The following VSTM2L variants were observed in gnomAD, a reference collection of about 807,000 sequenced individuals.
The protein encoded by VSTM2L is V-set and transmembrane domain containing 2 like, also known as V-set and transmembrane domain-containing protein 2-like protein.
VSTM2L carries 9 observed loss-of-function variants against 19.9 expected under a neutral mutation model. The ratio of observed to expected loss-of-function variants is 0.45; its 90% CI spans 0.27 to 0.79. VSTM2L has a LOEUF of 0.79. Among genes scored for constraint, VSTM2L ranks in the 30% least tolerant of loss-of-function variants. VSTM2L has a pLI of 0.15. For synonymous variants in VSTM2L, 127 were observed against 133.8 expected (o/e 0.95, Z 0.35); for missense variants, 286 against 295.5 (o/e 0.97, Z 0.24).
At chr20:37,921,537 T>C (rs1170182253) in intron 1 of VSTM2L, among the ~76,000 whole-genome samples, 2 of 152,202 alleles carry the variant, frequency 1.3e-5, no homozygotes, top group East Asian at 3.8e-4. Flanking sequence ...TGCCGGGACA[T>C]GGCAGTGAAC....
At chr20:37,942,525 C>T (rs1568844720) in intron 3 of VSTM2L, among the ~76,000 whole-genome samples, 1 of 152,112 alleles carries the variant, frequency 6.6e-6, no homozygotes, top group Non-Finnish European at 1.5e-5. Flanking sequence ...GAAATCTCAC[C>T]GATAACAGGT....
chr20:37,928,248 G>A (rs975435828), intron 1 of VSTM2L, among the ~76,000 whole-genome samples: 1 of 152,146 alleles, frequency 6.6e-6, no homozygotes, highest in African/African-American at 2.4e-5. Flanking sequence ...CCGCCATCCT[G>A]GGGGAGGGAC....
intron 1 of VSTM2L, among the ~76,000 whole-genome samples, chr20:37,907,075 T>C (rs182706107): frequency 6.6e-6 from 1 of 152,182 alleles, no homozygotes; most frequent in Non-Finnish European, 1.5e-5. Context: ...GAATGGTTAT[T>C]TGATGGGACC....
rs560300773 is a variant in VSTM2L at position 37,924,837 on chromosome 20, A to C, written c.122-6798A>C. Reference sequence around the variant, plus strand: ...GGGGGTGAGAGGAACTGAGCTCCCCATCTCTGGAGGTGTGCAAGTGGGATG... The same window carrying C: ...GGGGGTGAGAGGAACTGAGCTCCCCCTCTCTGGAGGTGTGCAAGTGGGATG... On this transcript the variant is annotated intron_variant, in intron 1 of 3. Transcript: ENST00000373461. 2.6e-5 allele frequency among the ~76,000 whole-genome samples: 4 copies of C among 152,278 alleles called. No homozygotes were observed. The South Asian group carries it at 6.2e-4, about 24-fold the overall frequency.
intron 3 of VSTM2L, among the ~76,000 whole-genome samples, chr20:37,939,460 A>C (rs568093130): frequency 6.6e-6 from 1 of 152,294 alleles, no homozygotes; most frequent in East Asian, 1.9e-4. Context: ...AAAGAAAGAA[A>C]GATTGATGAA....
chr20:37,939,978 T>C (rs2072962504), intron 3 of VSTM2L, among the ~76,000 whole-genome samples: 1 of 152,016 alleles, frequency 6.6e-6, no homozygotes, highest in Non-Finnish European at 1.5e-5. Flanking sequence ...GCTGGCTGCC[T>C]GGGGAGCCGT....
At chr20:37,928,268 A>G (rs545420186) in intron 1 of VSTM2L, among the ~76,000 whole-genome samples, 1 of 152,140 alleles carries the variant, frequency 6.6e-6, no homozygotes, top group African/African-American at 2.4e-5. Flanking sequence ...CAAGCAACCC[A>G]CTAGAATCAC....
intron 3 of VSTM2L, among the ~76,000 whole-genome samples, chr20:37,940,621 GGAGCTTCAGT>G (rs2072966706): frequency 6.6e-6 from 1 of 152,224 alleles, no homozygotes; most frequent in Non-Finnish European, 1.5e-5. Flanking sequence ...CACTTCTTTT[GGAGCTTCAGT>G]TTCACCATCT....
intron 1 of VSTM2L, among the ~76,000 whole-genome samples, chr20:37,916,864 C>T (rs2072821418): frequency 6.6e-6 from 1 of 152,130 alleles, no homozygotes; most frequent in Non-Finnish European, 1.5e-5. Flanking sequence ...TATGAAATAT[C>T]CGGAGTAGGC....
chr20:37,912,194 G>A (rs1407638894), intron 1 of VSTM2L, among the ~76,000 whole-genome samples: 1 of 152,222 alleles, frequency 6.6e-6, no homozygotes, highest in Non-Finnish European at 1.5e-5. Context: ...CCAGCTTGTG[G>A]GACGACAGAG....
chr20:37,929,368 G>A (rs1169399932), intron 1 of VSTM2L, among the ~76,000 whole-genome samples: 1 of 152,208 alleles, frequency 6.6e-6, no homozygotes, highest in Non-Finnish European at 1.5e-5. Flanking sequence ...GGCCTCCCAT[G>A]GAAGGCCCTG....
chr20:37,932,794 T>A (rs4811354), intron 2 of VSTM2L, among the ~76,000 whole-genome samples: 45,939 of 152,136 alleles, frequency 0.3, 7,129 homozygotes, highest in Admixed American at 0.33. Flanking sequence ...CTTACACATA[T>A]GTATACACTA....
chr20:37,939,314 G>A (rs570500133), intron 3 of VSTM2L, among the ~76,000 whole-genome samples: 1 of 151,806 alleles, frequency 6.6e-6, no homozygotes, highest in African/African-American at 2.4e-5. Context: ...GTCGGAGGGG[G>A]TGCTGAAGCG....
At position 37,944,013 on chromosome 20, in the gene VSTM2L, C is replaced by T; in HGVS notation, c.375C>T (p.His125=). The stretch of plus-strand genomic sequence containing the variant: ...AGGTGGTGGGCAGCAACATCTCCCA[C>T]AAGCTGCGCCTGTCCCGGGTGAAGC... ...VVKVVGSNIS[H]KLRLSRVKPT... Residue 125 remains histidine, a synonymous_variant, in exon 4 of 4, where the codon CAC becomes CAT. Transcript: ENST00000373461. 6 of 1,595,666 alleles carry T rather than the reference C, an allele frequency of 3.8e-6. No individual in the cohort carries two copies. Among genetic ancestry groups the T allele is most frequent in the Non-Finnish European group, 5.1e-6 (6 of 1,166,304 alleles).
Position 37,931,618 on chromosome 20 carries a change from C to G in VSTM2L, c.122-17C>G. On this transcript the variant is annotated splice_polypyrimidine_tract_variant and intron_variant, in intron 1 of 3. Coordinates refer to ENST00000373461, the MANE Select transcript of VSTM2L (RefSeq NM_080607.3). ...GTTTCCTGAGCCCCGCCATTCTTCCCCCTGTTTCTTGCACAGCCCTGTTCA... is the reference window on the plus strand; with the variant it reads ...GTTTCCTGAGCCCCGCCATTCTTCCGCCTGTTTCTTGCACAGCCCTGTTCA... The G allele has an allele frequency of 6.2e-7, 1 of 1,604,976 alleles. No individual in the cohort carries two copies. Among genetic ancestry groups the G allele is most frequent in the Non-Finnish European group, 8.5e-7 (1 of 1,175,260 alleles).
At chr20:37,908,850 G>A (rs2072764574) in intron 1 of VSTM2L, among the ~76,000 whole-genome samples, 1 of 152,156 alleles carries the variant, frequency 6.6e-6, no homozygotes, top group Non-Finnish European at 1.5e-5. Flanking sequence ...ATAAACATAT[G>A]GAAGCAAGTG....
In VSTM2L at chr20:37,941,488, C is replaced by T. The variant is rs551737841; in HGVS notation, c.343-2493C>T. Among the ~76,000 whole-genome samples, 12 of 152,312 alleles carry T rather than the reference C, an allele frequency of 7.9e-5. No individual in the cohort carries two copies. In the South Asian group the frequency reaches 1.0e-3, roughly 13 times the overall value. ...ATTGGTAAGACGATTAGAAGTCACA[C>T]GTGTGAGTGCCCAGCACAGGCTCAG... On this transcript the variant is annotated intron_variant, in intron 3 of 3. Coordinates refer to ENST00000373461, the MANE Select transcript of VSTM2L (RefSeq NM_080607.3).
At chr20:37,914,370 G>A (rs2072800480) in intron 1 of VSTM2L, among the ~76,000 whole-genome samples, 1 of 1,746 alleles carries the variant, frequency 5.7e-4, no homozygotes, top group Non-Finnish European at 1.3e-3. Context: ...GTTTATATAT[G>A]TGTGTGGGTG....
intron 1 of VSTM2L, among the ~76,000 whole-genome samples, chr20:37,927,971 T>C (rs946625258): frequency 2.6e-5 from 4 of 152,202 alleles, no homozygotes; most frequent in African/African-American, 7.2e-5. Flanking sequence ...CTCTGTGTTC[T>C]GCATTGAGCA....
Sources: gnomAD v4.1 joint callset for allele counts (sites outside exome capture counted in the v4.1 genomes callset) on GRCh38, gnomAD v4.1.1 for gene constraint, MANE v1.5 for transcripts, NCBI Gene and HGNC (gene_info 2026-07-23, HGNC 2026-07-21) for gene names.